Variants in FER1L6 observed in about 807,000 individuals in gnomAD.
FER1L6 encodes the protein fer-1-like protein 6.
Under a neutral mutation model 219.2 loss-of-function variants are expected in FER1L6, and 177 were observed. The ratio of observed to expected loss-of-function variants is 0.81; its 90% confidence interval spans 0.71 to 0.91. FER1L6 has a LOEUF of 0.91. Among genes scored for constraint, FER1L6 ranks in the 40% least tolerant of loss-of-function variants. FER1L6 has a pLI of 0.00. For missense variants in FER1L6, 2,153 were observed against 2,259.9 expected (o/e 0.95, Z 0.96); for synonymous variants, 768 against 824.3 (o/e 0.93, Z 1.17).
At position 124,027,537 on chromosome 8, in the gene FER1L6, C is replaced by CG. The variant is rs141078758; in HGVS notation, c.2286+3942dup. Among the ~76,000 whole-genome samples, 718 of 152,204 alleles carry CG rather than the reference C, an allele frequency of 4.7e-3. 9 individuals are homozygous for CG. The highest frequency in any genetic ancestry group is 0.017 in the African/African-American group (694 of 41,524). The stretch of plus-strand genomic sequence containing the variant: ...ATCCAGCGAGTTGTCTGAGGCTCTC[C>CG]GTGTTATTTTCTGTCATGTATGTAA... On this transcript the variant is annotated intron_variant, in intron 18 of 40. Transcript: ENST00000522917.
intron 1 of FER1L6, among the ~76,000 whole-genome samples, chr8:123,863,902 A>T (rs983219911): frequency 2.0e-5 from 3 of 151,028 alleles, no homozygotes; most frequent in Non-Finnish European, 2.9e-5. Flanking sequence ...TTTCCTGAGT[A>T]CAGCACACTG....
In FER1L6 at chr8:123,890,727, G is replaced by A. The variant is rs371352863; in HGVS notation, c.-8+38542G>A. 1.6e-4 allele frequency among the ~76,000 whole-genome samples: 20 copies of A among 123,252 alleles called. No homozygotes were observed. The South Asian group carries it at 5.0e-3, about 31-fold the overall frequency. The allele number at this position is 123,252 out of a possible 152,430, so 80.9% of individuals were successfully genotyped here. On this transcript the variant is annotated intron_variant, in intron 1 of 40. Transcript: ENST00000522917. ...CAACAACAACAAAAACCAACAACAA[G>A]AAAATCCCCCCAAGCCTCCAAAACC... is the stretch of plus-strand genomic sequence containing the variant.
chr8:124,079,808 A>C (rs1821459794), intron 32 of FER1L6, among the ~76,000 whole-genome samples: 1 of 152,182 alleles, frequency 6.6e-6, no homozygotes, highest in African/African-American at 2.4e-5. Context: ...CCTGGTTGGG[A>C]AAATGGCTAA....
intron 15 of FER1L6, 73 bp downstream of exon 15, chr8:124,013,604 T>C: frequency 9.9e-7 from 1 of 1,013,894 alleles, no homozygotes. Context: ...CTTGAGAAAG[T>C]CGTCGATTTC....
intron 39 of FER1L6, among the ~76,000 whole-genome samples, chr8:124,110,299 G>A (rs944310368): frequency 6.6e-6 from 1 of 152,140 alleles, no homozygotes; most frequent in African/African-American, 2.4e-5. Context: ...CAATTTTATA[G>A]AGAAGGAAGC....
intron 32 of FER1L6, among the ~76,000 whole-genome samples, chr8:124,081,130 A>G (rs1371953438): frequency 6.6e-6 from 1 of 152,088 alleles, no homozygotes; most frequent in East Asian, 1.9e-4. Context: ...CAGGGAAATA[A>G]TGGGCTCGCA....
chr8:124,069,617 G>A (rs7006395), intron 29 of FER1L6, 142 bp downstream of exon 29: 121,667 of 599,970 alleles, frequency 0.2, 13,634 homozygotes, highest in Middle Eastern at 0.24. Flanking sequence ...AGTAAACTTT[G>A]ATGTGCATTT....
chr8:124,012,566 C>A lies in FER1L6; in HGVS notation c.1822-865C>A, dbSNP rs192119250. Among the ~76,000 whole-genome samples, 65 of 152,242 alleles carry A rather than the reference C, an allele frequency of 4.3e-4. 1 individual carries two copies. Among genetic ancestry groups the A allele is most frequent in the African/African-American group, 1.5e-3 (61 of 41,556 alleles). On this transcript the variant is annotated intron_variant, in intron 14 of 40. Coordinates refer to ENST00000522917, the MANE Select transcript of FER1L6 (RefSeq NM_001039112.2). ...CACTGTTTGAAGATATCCATACCCC[C>A]TATAGTGTTGTAGGTGGGTTCTGTT...
chr8:124,073,546 G>T (rs1821162753), intron 31 of FER1L6, among the ~76,000 whole-genome samples: 1 of 152,080 alleles, frequency 6.6e-6, no homozygotes, highest in Non-Finnish European at 1.5e-5. Flanking sequence ...CTCGCATAAA[G>T]AAATAAATCA....
rs770962496 is a variant in FER1L6, at chr8:123,980,797, G to A, written c.1396G>A (p.Asp466Asn). ...NSTEVEVESF[D>N]VPPEIVPEKN... ...AACCGAGGTGGAGGTGGAATCGTTC[G>A]ATGTCCCCCCGGAGGTAGGTCTAGG... The change falls in exon 11 of 41, where the codon GAT (aspartate) becomes AAT (asparagine). Residue 466 changes from aspartate to asparagine, a missense_variant. Physicochemically the swap from Asp to Asn is conservative, Grantham distance 23. Coordinates refer to ENST00000522917, the MANE Select transcript of FER1L6 (RefSeq NM_001039112.2). 6.2e-6 allele frequency: 10 copies of A among 1,613,340 alleles called. No individual in the cohort carries two copies. Among genetic ancestry groups the A allele is most frequent in the Non-Finnish European group, 6.8e-6 (8 of 1,179,764 alleles).
At chr8:123,955,193 C>T (rs536569188) in intron 1 of FER1L6, among the ~76,000 whole-genome samples, 19 of 152,174 alleles carry the variant, frequency 1.2e-4, no homozygotes, top group South Asian at 4.1e-4. Flanking sequence ...TGCTTGAACC[C>T]GGGAGGTGGA....
intron 1 of FER1L6, among the ~76,000 whole-genome samples, chr8:123,920,613 A>G (rs549981623): frequency 9.2e-5 from 14 of 152,204 alleles, no homozygotes; most frequent in Non-Finnish European, 1.2e-4. Context: ...CCAGCTTAGT[A>G]TAGGAGGATA....
intron 1 of FER1L6, among the ~76,000 whole-genome samples, chr8:123,929,774 GGA>G (rs2129908308): frequency 6.6e-6 from 1 of 152,242 alleles, no homozygotes; most frequent in Non-Finnish European, 1.5e-5. Flanking sequence ...TGAGAACTGG[GGA>G]GAGAGGAAGC....
chr8:124,005,300 A>G (rs1401237829), intron 13 of FER1L6, among the ~76,000 whole-genome samples: 4 of 152,224 alleles, frequency 2.6e-5, no homozygotes, highest in African/African-American at 9.6e-5. Flanking sequence ...CGGAGGCCGT[A>G]GCTTATGGAT....
chr8:123,975,843 C>G, intron 8 of FER1L6, 55 bp from the exon 9 acceptor site: 1 of 1,425,042 alleles, frequency 7.0e-7, no homozygotes, highest in East Asian at 2.3e-5. Flanking sequence ...CCTGTCTTTT[C>G]TCTCTGTTTC....
At chr8:124,098,973 G>A (rs1368041235) in intron 37 of FER1L6, among the ~76,000 whole-genome samples, 1 of 152,164 alleles carries the variant, frequency 6.6e-6, no homozygotes, top group Non-Finnish European at 1.5e-5. Context: ...TGTCTGAGGA[G>A]CATTTGTCAC....
At chr8:124,013,409 C>T (rs756409249) in intron 14 of FER1L6, 22 bp from the exon 15 acceptor site, 1 of 1,489,312 alleles carries the variant, frequency 6.7e-7, no homozygotes, top group Non-Finnish European at 9.2e-7. Flanking sequence ...CTCATCTCTC[C>T]ACCCCTGTGG....
At chr8:123,987,794 C>G (rs907723664) in intron 12 of FER1L6, among the ~76,000 whole-genome samples, 3 of 152,138 alleles carry the variant, frequency 2.0e-5, no homozygotes, top group Non-Finnish European at 2.9e-5. Context: ...TTTCCCAACA[C>G]ATGTTCTCGA....
intron 1 of FER1L6, among the ~76,000 whole-genome samples, chr8:123,901,143 TG>T (rs1812848696): frequency 6.6e-6 from 1 of 152,210 alleles, no homozygotes; most frequent in Non-Finnish European, 1.5e-5. Flanking sequence ...GGACTTTTTT[TG>T]TTGTTGGTAA....
Sources: gnomAD v4.1 joint callset for allele counts (sites outside exome capture counted in the v4.1 genomes callset) on GRCh38, gnomAD v4.1.1 for gene constraint, MANE v1.5 for transcripts, NCBI Gene and HGNC (gene_info 2026-07-23, HGNC 2026-07-21) for gene names.